Variants in FAT3 observed in about 807,000 individuals in gnomAD.
The protein encoded by FAT3 is protocadherin Fat 3.
In FAT3, 95 loss-of-function variants were observed where a neutral mutation model predicts 310.2. The ratio of observed to expected loss-of-function variants is 0.31; its 90% CI spans 0.26 to 0.36. The LOEUF (loss-of-function observed/expected upper bound fraction) is 0.36. Ranked by LOEUF, FAT3 falls within the 10% of genes least tolerant of loss-of-function variation. FAT3 has a pLI of 1.00. For synonymous variants in FAT3, 2,314 were observed against 2,192.9 expected (o/e 1.06, Z -1.54); for missense variants, 5,408 against 5,715.6 (o/e 0.95, Z 1.74).
chr11:92,676,138 ATTG>A (rs1281756612), intron 3 of FAT3, among the ~76,000 whole-genome samples: 1 of 152,168 alleles, frequency 6.6e-6, no homozygotes, highest in East Asian at 1.9e-4. Context: ...GCTTACAATA[ATTG>A]TTGTTACGTC....
chr11:92,636,470 C>A (rs1309514506), intron 3 of FAT3, among the ~76,000 whole-genome samples: 1 of 152,156 alleles, frequency 6.6e-6, no homozygotes, highest in Admixed American at 6.5e-5. Context: ...TCTTAAAGGA[C>A]TTACTGGGTC....
chr11:92,803,016 C>A (rs1947403327), intron 10 of FAT3, among the ~76,000 whole-genome samples: 1 of 107,554 alleles, frequency 9.3e-6, no homozygotes, highest in African/African-American at 3.3e-5. Context: ...ACTTTATGAT[C>A]TATCTGAGAC....
intron 1 of FAT3, among the ~76,000 whole-genome samples, chr11:92,268,654 C>A (rs549382643): frequency 2.0e-4 from 31 of 152,202 alleles, no homozygotes; most frequent in Middle Eastern, 3.4e-3. Context: ...ATATTTACTT[C>A]TTTTCCATTC....
intron 7 of FAT3, 147 bp from the exon 8 acceptor site, chr11:92,789,796 T>A (rs1012767460): frequency 1.4e-6 from 1 of 716,154 alleles, no homozygotes. Context: ...AGAATGTTTT[T>A]ATTAGTGAGT....
At chr11:92,704,579 T>C (rs1273139632) in intron 4 of FAT3, among the ~76,000 whole-genome samples, 1 of 152,046 alleles carries the variant, frequency 6.6e-6, no homozygotes. Context: ...CTAATGTCCT[T>C]ATAAGAAGAG....
chr11:92,554,882 G>C (rs2135451085), intron 3 of FAT3, among the ~76,000 whole-genome samples: 1 of 152,278 alleles, frequency 6.6e-6, no homozygotes, highest in South Asian at 2.1e-4. Flanking sequence ...TTCTGATCCT[G>C]CCGTGTCTGC....
intron 3 of FAT3, among the ~76,000 whole-genome samples, chr11:92,566,817 G>C (rs533629381): frequency 2.0e-5 from 3 of 152,164 alleles, no homozygotes; most frequent in Non-Finnish European, 4.4e-5. Context: ...ATGGTGCTGG[G>C]AAAACTGGCT....
At chr11:92,459,191 A>G (rs1354499957) in intron 2 of FAT3, among the ~76,000 whole-genome samples, 1 of 152,198 alleles carries the variant, frequency 6.6e-6, no homozygotes, top group African/African-American at 2.4e-5. Context: ...CCCTGGGCAC[A>G]TGTGAGCATG....
At chr11:92,620,476 G>A (rs519739) in intron 3 of FAT3, among the ~76,000 whole-genome samples, 87,127 of 151,984 alleles carry the variant, frequency 0.57, 26,723 homozygotes, top group African/African-American at 0.8. Context: ...TAAATCTTGT[G>A]CTGATTTAAG....
intron 2 of FAT3, among the ~76,000 whole-genome samples, chr11:92,358,514 G>GT (rs35563517): frequency 2.6e-5 from 4 of 151,802 alleles, no homozygotes; most frequent in African/African-American, 9.7e-5. Flanking sequence ...ACACAACTGG[G>GT]TTTTTTCTCT....
chr11:92,301,158 T>G (rs866757347), intron 1 of FAT3, among the ~76,000 whole-genome samples: 3 of 152,162 alleles, frequency 2.0e-5, no homozygotes, highest in South Asian at 2.1e-4. Flanking sequence ...TGTCTTCATC[T>G]AGATAGTCAG....
intron 1 of FAT3, among the ~76,000 whole-genome samples, chr11:92,303,854 A>G (rs1229296930): frequency 1.3e-5 from 2 of 152,228 alleles, no homozygotes; most frequent in East Asian, 3.9e-4. Context: ...AAACCTTGAG[A>G]AAGTGTTGAC....
At chr11:92,692,190 A>G (rs1247214491) in intron 3 of FAT3, among the ~76,000 whole-genome samples, 1 of 152,222 alleles carries the variant, frequency 6.6e-6, no homozygotes, top group Admixed American at 6.5e-5. Flanking sequence ...AAAGTTATTC[A>G]AAGGATGGAG....
intron 2 of FAT3, among the ~76,000 whole-genome samples, chr11:92,359,255 A>G (rs1416881138): frequency 6.6e-6 from 1 of 152,148 alleles, no homozygotes; most frequent in African/African-American, 2.4e-5. Flanking sequence ...TAGTTTTTTA[A>G]AAGGCAGATA....
intron 2 of FAT3, among the ~76,000 whole-genome samples, chr11:92,522,060 G>C (rs1441207221): frequency 1.3e-5 from 2 of 152,154 alleles, no homozygotes; most frequent in African/African-American, 4.8e-5. Flanking sequence ...GTGGATGCCT[G>C]TAAACTGAAT....
chr11:92,405,603 T>C (rs1950120935), intron 2 of FAT3, among the ~76,000 whole-genome samples: 1 of 151,980 alleles, frequency 6.6e-6, no homozygotes, highest in South Asian at 2.1e-4. Context: ...CAAAATAAAT[T>C]AGCTGGACAT....
In FAT3 at chr11:92,567,266, C is replaced by A. The variant is rs780867233; in HGVS notation, c.3607+42318C>A. Among the ~76,000 whole-genome samples the A allele has an allele frequency of 7.3e-3, 932 of 127,430 alleles. 7 individuals are homozygous for A. Among genetic ancestry groups the A allele is most frequent in the Non-Finnish European group, 0.012 (703 of 60,182 alleles). 83.6% of individuals were successfully genotyped at this position (127,430 alleles called of 152,430 possible). The stretch of plus-strand genomic sequence containing the variant: ...TTCTCAAAAGAAGACATTTATGCAG[C>A]CAAAAAACACATGAAAAAATGCTCA... On this transcript the variant is annotated intron_variant, in intron 3 of 27. Coordinates refer to ENST00000525166, the MANE Select transcript of FAT3 (RefSeq NM_001367949.2).
chr11:92,620,535 CA>C (rs1471558649), intron 3 of FAT3, among the ~76,000 whole-genome samples: 2 of 152,144 alleles, frequency 1.3e-5, no homozygotes, highest in Non-Finnish European at 1.5e-5. Flanking sequence ...CTAACTGTAG[CA>C]ATAATCTTGA....
chr11:92,503,546 A>G (rs1349065115), intron 2 of FAT3, among the ~76,000 whole-genome samples: 1 of 152,112 alleles, frequency 6.6e-6, no homozygotes, highest in African/African-American at 2.4e-5. Flanking sequence ...GCATATCACT[A>G]ATAAATGAAA....
Sources: gnomAD v4.1 joint callset for allele counts (sites outside exome capture counted in the v4.1 genomes callset) on GRCh38, gnomAD v4.1.1 for gene constraint, MANE v1.5 for transcripts, NCBI Gene and HGNC (gene_info 2026-07-23, HGNC 2026-07-21) for gene names.